ARK2N: variants seen among roughly 807,000 people sequenced by gnomAD.
ARK2N encodes the protein protein ARK2N.
At chr18:46,228,625 A>T in the ARK2N span, 1 of 393,154 alleles carries the variant, frequency 2.5e-6, no homozygotes, top group East Asian at 3.6e-5. Context: ...TCACTCTGTC[A>T]TCTACACTGG....
the ARK2N span, chr18:46,232,968 A>G: frequency 2.6e-5 from 4 of 152,198 alleles, no homozygotes; most frequent in Admixed American, 6.5e-5. Context: ...GGATGGGGTT[A>G]TGTGGTTCCC....
the ARK2N span, among the ~76,000 whole-genome samples, chr18:46,196,104 C>T: frequency 8.4e-3 from 1,282 of 152,094 alleles, 23 homozygotes; most frequent in African/African-American, 0.029. Flanking sequence ...CCTCAGCCTC[C>T]GGAGTAGCTG....
At chr18:46,222,029 T>C in the ARK2N span, among the ~76,000 whole-genome samples, 10 of 152,202 alleles carry the variant, frequency 6.6e-5, no homozygotes, top group Admixed American at 6.5e-4. Flanking sequence ...ATGGGTAAAA[T>C]ACATATGGTT....
chr18:46,223,541 C>G, the ARK2N span, among the ~76,000 whole-genome samples: 1 of 152,306 alleles, frequency 6.6e-6, no homozygotes, highest in East Asian at 1.9e-4. Context: ...ACAGGGGAAA[C>G]TTCTCTTTGC....
the ARK2N span, among the ~76,000 whole-genome samples, chr18:46,175,972 A>G: frequency 6.6e-6 from 1 of 151,934 alleles, no homozygotes; most frequent in African/African-American, 2.4e-5. Context: ...AGTAACTGTC[A>G]TAATACTCTT....
chr18:46,263,083 T>G, the ARK2N span: 1 of 1,614,018 alleles, frequency 6.2e-7, no homozygotes, highest in East Asian at 2.2e-5. Context: ...TGACCTTACC[T>G]TGGATGAGGA....
At chr18:46,201,779 C>CTTTTTT in the ARK2N span, among the ~76,000 whole-genome samples, 1 of 135,764 alleles carries the variant, frequency 7.4e-6, no homozygotes, top group African/African-American at 2.7e-5. Context: ...CTTTTCTTTT[C>CTTTTTT]TTTTTTTTTT....
the ARK2N span, among the ~76,000 whole-genome samples, chr18:46,204,136 T>G: frequency 6.6e-6 from 1 of 151,930 alleles, no homozygotes; most frequent in Non-Finnish European, 1.5e-5. Context: ...ATTACAGAAT[T>G]TTTAGTATCA....
At chr18:46,196,614 T>C in the ARK2N span, among the ~76,000 whole-genome samples, 4 of 152,188 alleles carry the variant, frequency 2.6e-5, no homozygotes, top group African/African-American at 9.6e-5. Context: ...CACTTGTATT[T>C]TTGTACCTAT....
the ARK2N span, among the ~76,000 whole-genome samples, chr18:46,192,058 G>GTA: frequency 6.6e-6 from 1 of 152,188 alleles, no homozygotes; most frequent in Non-Finnish European, 1.5e-5. Context: ...CTGAAGGATA[G>GTA]TAAGTCGCTT....
chr18:46,224,481 G>A, the ARK2N span, among the ~76,000 whole-genome samples: 1 of 152,200 alleles, frequency 6.6e-6, no homozygotes, highest in Non-Finnish European at 1.5e-5. Flanking sequence ...GAATTTTAAA[G>A]TGAAAGGAGT....
chr18:46,212,829 C>A, the ARK2N span, among the ~76,000 whole-genome samples: 1 of 151,994 alleles, frequency 6.6e-6, no homozygotes, highest in Non-Finnish European at 1.5e-5. Flanking sequence ...GTTGTATGGT[C>A]ATTTTAACAA....
the ARK2N span, among the ~76,000 whole-genome samples, chr18:46,222,897 T>C: frequency 6.6e-6 from 1 of 152,218 alleles, no homozygotes; most frequent in Non-Finnish European, 1.5e-5. Flanking sequence ...GTCTGTAGTT[T>C]ACTGTTAGGG....
chr18:46,185,017 T>C, the ARK2N span, among the ~76,000 whole-genome samples: 1 of 152,238 alleles, frequency 6.6e-6, no homozygotes, highest in Non-Finnish European at 1.5e-5. Context: ...AGGTTTTATG[T>C]AGAAAGAAAA....
At chr18:46,256,507 CT>C in the ARK2N span, among the ~76,000 whole-genome samples, 1 of 152,180 alleles carries the variant, frequency 6.6e-6, no homozygotes, top group African/African-American at 2.4e-5. Context: ...CTCCCCACCC[CT>C]AACACACACA....
At chr18:46,259,772 C>CTG in the ARK2N span, among the ~76,000 whole-genome samples, 13,781 of 104,674 alleles carry the variant, frequency 0.13, 1,988 homozygotes, top group Middle Eastern at 0.2. Context: ...CACCCAGCTA[C>CTG]TGTGTGTGTG....
At chr18:46,215,569 T>C in the ARK2N span, among the ~76,000 whole-genome samples, 1 of 152,212 alleles carries the variant, frequency 6.6e-6, no homozygotes, top group African/African-American at 2.4e-5. Flanking sequence ...GTTCATTACA[T>C]GTTGGCCTTT....
the ARK2N span, among the ~76,000 whole-genome samples, chr18:46,220,009 A>C: frequency 1.3e-5 from 2 of 152,198 alleles, no homozygotes; most frequent in Non-Finnish European, 2.9e-5. Flanking sequence ...ATCGGTGTAC[A>C]TGGTCAGTGG....
At chr18:46,219,970 T>C in the ARK2N span, among the ~76,000 whole-genome samples, 1 of 152,196 alleles carries the variant, frequency 6.6e-6, no homozygotes, top group African/African-American at 2.4e-5. Context: ...TTGAAAAAGT[T>C]AATTTTTTGA....
Sources: allele counts gnomAD v4.1 joint callset (sites outside exome capture counted in the v4.1 genomes callset), GRCh38; gene constraint gnomAD v4.1.1; transcripts MANE v1.5; gene names NCBI Gene and HGNC (gene_info 2026-07-23, HGNC 2026-07-21).